Variants in SLC24A2 observed in about 807,000 individuals in gnomAD.
SLC24A2 encodes the protein sodium/potassium/calcium exchanger 2.
SLC24A2 carries 36 observed loss-of-function variants against 62.0 expected under a neutral mutation model. That is an observed-to-expected ratio of 0.58 (90% CI 0.44 to 0.77). The LOEUF is 0.77. Among genes scored for constraint, SLC24A2 ranks in the 30% least tolerant of loss-of-function variants. The probability of loss-of-function intolerance (pLI) is 0.00; values close to 1 mark genes in which losing one functional copy is unlikely to be tolerated. For synonymous variants in SLC24A2, 358 were observed against 294.0 expected, an observed-to-expected ratio of 1.22 and a Z score of -2.23; for missense variants, 846 against 817.9, an observed-to-expected ratio of 1.03 and a Z score of -0.42.
chr9:20,105,091 G>C, the SLC24A2 span, among the ~76,000 whole-genome samples: 3 of 152,108 alleles, frequency 2.0e-5, no homozygotes, highest in African/African-American at 7.2e-5. Flanking sequence ...AAGATCAAAA[G>C]AGACAAAGAA....
the SLC24A2 span, among the ~76,000 whole-genome samples, chr9:19,991,089 G>A: frequency 6.6e-6 from 1 of 151,454 alleles, no homozygotes; most frequent in African/African-American, 2.4e-5. Flanking sequence ...AGTTTATTAA[G>A]GAGTATTGAC....
the SLC24A2 span, among the ~76,000 whole-genome samples, chr9:20,180,985 C>G: frequency 6.6e-6 from 1 of 152,140 alleles, no homozygotes; most frequent in Non-Finnish European, 1.5e-5. Flanking sequence ...TCTTTGGCAG[C>G]TCTCTTTGGT....
chr9:20,239,876 G>GGTTTTT, the SLC24A2 span, among the ~76,000 whole-genome samples: 1 of 125,766 alleles, frequency 8.0e-6, no homozygotes. Context: ...TTGCCTTCTG[G>GGTTTTT]CTTTTTTTTT....
the SLC24A2 span, among the ~76,000 whole-genome samples, chr9:20,261,940 A>G: frequency 2.0e-5 from 3 of 151,666 alleles, no homozygotes; most frequent in Admixed American, 1.3e-4. Context: ...GCATTTCACC[A>G]TGTTAGTCAG....
At chr9:20,068,159 G>T in the SLC24A2 span, among the ~76,000 whole-genome samples, 4 of 150,544 alleles carry the variant, frequency 2.7e-5, no homozygotes, top group Admixed American at 2.0e-4. Flanking sequence ...CGCCTCCTGG[G>T]TTCAAGCAAT....
At chr9:20,244,327 C>G in the SLC24A2 span, among the ~76,000 whole-genome samples, 1 of 152,152 alleles carries the variant, frequency 6.6e-6, no homozygotes, top group Non-Finnish European at 1.5e-5. Context: ...ATAAGATGCT[C>G]ATTTCAGCAT....
At chr9:20,302,249 C>T in the SLC24A2 span, among the ~76,000 whole-genome samples, 4 of 152,288 alleles carry the variant, frequency 2.6e-5, no homozygotes, top group East Asian at 1.9e-4. Context: ...TACCAAGGAG[C>T]TCAGTTGCTG....
the SLC24A2 span, among the ~76,000 whole-genome samples, chr9:20,211,500 G>A: frequency 3.0e-3 from 461 of 152,208 alleles, 1 homozygote; most frequent in Non-Finnish European, 4.6e-3. Flanking sequence ...CAAGAAGAGC[G>A]AGACTCCATC....
At chr9:20,014,349 C>T in the SLC24A2 span, among the ~76,000 whole-genome samples, 8 of 151,958 alleles carry the variant, frequency 5.3e-5, no homozygotes, top group East Asian at 1.9e-4. Context: ...ATAGAACTAC[C>T]GTATGACCCA....
In SLC24A2 at chr9:19,732,623, T is replaced by C. The variant is rs142227897; in HGVS notation, c.930+53314A>G. On this transcript the variant is annotated intron_variant, in intron 2 of 10. Coordinates refer to ENST00000341998, the MANE Select transcript of SLC24A2 (RefSeq NM_020344.4). ...TTTGGCAATGTCAGTCATACATTAG[T>C]ATATAATCCTAACGTCGCAATCTGA... Among the ~76,000 whole-genome samples, 8 of 152,278 alleles carry C rather than the reference T, an allele frequency of 5.3e-5. No individual in the cohort carries two copies. The East Asian group carries it at 1.5e-3, about 29-fold the overall frequency.
the SLC24A2 span, among the ~76,000 whole-genome samples, chr9:20,146,910 AG>A: frequency 6.6e-6 from 1 of 152,082 alleles, no homozygotes; most frequent in Non-Finnish European, 1.5e-5. Context: ...CGACTCCACT[AG>A]TCAGGCTCTT....
the SLC24A2 span, among the ~76,000 whole-genome samples, chr9:19,909,645 A>G: frequency 2.0e-5 from 3 of 152,234 alleles, no homozygotes; most frequent in South Asian, 4.1e-4. Context: ...ACTCATCTCT[A>G]TGTTGACTTT....
At chr9:20,230,771 C>T in the SLC24A2 span, among the ~76,000 whole-genome samples, 1 of 152,084 alleles carries the variant, frequency 6.6e-6, no homozygotes, top group Admixed American at 6.5e-5. Flanking sequence ...GCTTTTGTTG[C>T]CATTGCTTTT....
At chr9:20,232,180 A>T in the SLC24A2 span, among the ~76,000 whole-genome samples, 1 of 152,152 alleles carries the variant, frequency 6.6e-6, no homozygotes, top group Non-Finnish European at 1.5e-5. Flanking sequence ...CATCAAGGAT[A>T]TTGGTCTAAA....
At chr9:19,902,142 C>T in the SLC24A2 span, among the ~76,000 whole-genome samples, 1 of 152,064 alleles carries the variant, frequency 6.6e-6, no homozygotes, top group Non-Finnish European at 1.5e-5. Flanking sequence ...AACATTAATG[C>T]TGGTTGGTTG....
At chr9:19,978,275 T>G in the SLC24A2 span, among the ~76,000 whole-genome samples, 1 of 152,168 alleles carries the variant, frequency 6.6e-6, no homozygotes, top group South Asian at 2.1e-4. Context: ...ATACCATCTT[T>G]AGCAAAAGGA....
the SLC24A2 span, among the ~76,000 whole-genome samples, chr9:19,850,998 TATACAC>T: frequency 4.4e-3 from 214 of 48,782 alleles, 2 homozygotes; most frequent in African/African-American, 7.0e-3. Context: ...TATATATATA[TATACAC>T]ATACATATAT....
At chr9:20,041,927 C>T in the SLC24A2 span, among the ~76,000 whole-genome samples, 5 of 152,218 alleles carry the variant, frequency 3.3e-5, no homozygotes, top group Non-Finnish European at 7.3e-5. Flanking sequence ...TGCCGAGAGC[C>T]CCCCTTTCTG....
At chr9:19,931,273 A>G in the SLC24A2 span, among the ~76,000 whole-genome samples, 1 of 152,222 alleles carries the variant, frequency 6.6e-6, no homozygotes, top group Non-Finnish European at 1.5e-5. Flanking sequence ...ATCAAAGTGG[A>G]AGTTCACAGA....
Sources: allele counts gnomAD v4.1 joint callset (sites outside exome capture counted in the v4.1 genomes callset), GRCh38; gene constraint gnomAD v4.1.1; transcripts MANE v1.5; gene names NCBI Gene and HGNC (gene_info 2026-07-23, HGNC 2026-07-21).